WWOX: variants seen among roughly 807,000 people sequenced by gnomAD.
The protein encoded by WWOX is WW domain containing oxidoreductase.
WWOX carries 69 observed loss-of-function variants against 46.2 expected under a neutral mutation model. The ratio of observed to expected loss-of-function variants is 1.49; its 90% confidence interval spans 1.23 to 1.82. The LOEUF is 1.82. Among genes scored for constraint, WWOX ranks in the 40% most tolerant of loss-of-function variants. The probability of loss-of-function intolerance (pLI) is 0.00; values close to 1 mark genes in which losing one functional copy is unlikely to be tolerated. For synonymous variants in WWOX, 359 were observed against 202.6 expected (o/e 1.77, Z -6.56); for missense variants, 919 against 542.6 (o/e 1.69, Z -6.89).
intron 8 of WWOX, among the ~76,000 whole-genome samples, chr16:78,688,940 CCTT>C (rs2047924459): frequency 6.6e-6 from 1 of 152,174 alleles, no homozygotes; most frequent in Non-Finnish European, 1.5e-5. Flanking sequence ...TGGCACCTCT[CCTT>C]CCTGCTGCCG....
At chr16:79,066,665 TA>T (rs367832177) in intron 8 of WWOX, among the ~76,000 whole-genome samples, 5 of 152,336 alleles carry the variant, frequency 3.3e-5, no homozygotes, top group African/African-American at 1.2e-4. Context: ...GGTGCCCACT[TA>T]ATTCAATCGG....
intron 8 of WWOX, among the ~76,000 whole-genome samples, chr16:78,805,448 G>C (rs1432925048): frequency 6.7e-6 from 1 of 150,362 alleles, no homozygotes; most frequent in Non-Finnish European, 1.5e-5. Context: ...TGTATTGTTT[G>C]TATTTTTCAT....
intron 8 of WWOX, among the ~76,000 whole-genome samples, chr16:78,819,853 C>T (rs972828174): frequency 6.6e-6 from 1 of 152,196 alleles, no homozygotes; most frequent in African/African-American, 2.4e-5. Context: ...GTGAGACTTG[C>T]ACTCAGTCTT....
intron 8 of WWOX, among the ~76,000 whole-genome samples, chr16:78,861,834 A>T (rs2151192528): frequency 6.6e-6 from 1 of 152,360 alleles, no homozygotes; most frequent in African/African-American, 2.4e-5. Flanking sequence ...AAAAGAAATT[A>T]AATACACCAT....
intron 6 of WWOX, among the ~76,000 whole-genome samples, chr16:78,413,213 A>G (rs545692790): frequency 6.6e-6 from 1 of 152,200 alleles, no homozygotes; most frequent in Non-Finnish European, 1.5e-5. Context: ...CAGGGATCGG[A>G]GTCTTTAAGG....
intron 8 of WWOX, among the ~76,000 whole-genome samples, chr16:78,442,372 C>G (rs962828432): frequency 1.3e-5 from 2 of 151,980 alleles, no homozygotes; most frequent in East Asian, 1.9e-4. Flanking sequence ...TACAATAGAT[C>G]TCCAGAATGT....
At chr16:78,512,415 A>T (rs1423295346) in intron 8 of WWOX, among the ~76,000 whole-genome samples, 1 of 152,184 alleles carries the variant, frequency 6.6e-6, no homozygotes, top group Non-Finnish European at 1.5e-5. Flanking sequence ...CTGAGTTTTG[A>T]GTGTTTCTGA....
chr16:78,273,413 G>A (rs1024176864), intron 5 of WWOX, among the ~76,000 whole-genome samples: 1 of 152,170 alleles, frequency 6.6e-6, no homozygotes, highest in Admixed American at 6.5e-5. Flanking sequence ...TTCTGTGCGA[G>A]CCTGACCTCC....
At chr16:78,940,674 C>CTTT (rs61366482) in intron 8 of WWOX, among the ~76,000 whole-genome samples, 2 of 138,638 alleles carry the variant, frequency 1.4e-5, no homozygotes, top group African/African-American at 5.4e-5. Context: ...CTTAGGTTAA[C>CTTT]TTTTTTTTTT....
intron 5 of WWOX, among the ~76,000 whole-genome samples, chr16:78,178,908 G>A (rs967143139): frequency 6.6e-6 from 1 of 152,054 alleles, no homozygotes. Context: ...TTTCTCTTCG[G>A]GATGGTTTAC....
At chr16:79,059,560 G>C (rs750040910) in intron 8 of WWOX, among the ~76,000 whole-genome samples, 2 of 152,048 alleles carry the variant, frequency 1.3e-5, no homozygotes, top group Non-Finnish European at 2.9e-5. Context: ...GCGCGATCTC[G>C]GCTCACTGCA....
intron 8 of WWOX, among the ~76,000 whole-genome samples, chr16:78,719,840 A>G (rs1213513309): frequency 6.6e-6 from 1 of 152,196 alleles, no homozygotes; most frequent in Non-Finnish European, 1.5e-5. Flanking sequence ...CAAATACATG[A>G]CGGGAAAGAA....
At chr16:79,101,556 A>AT (rs1355792715) in intron 8 of WWOX, 3 of 152,080 alleles carry the variant, frequency 2.0e-5, no homozygotes, top group African/African-American at 7.2e-5. Flanking sequence ...GGTCCTGGGA[A>AT]TTTGCTTCTT....
At chr16:79,047,638 C>G (rs964426883) in intron 8 of WWOX, among the ~76,000 whole-genome samples, 4 of 143,974 alleles carry the variant, frequency 2.8e-5, no homozygotes, top group Non-Finnish European at 6.0e-5. Context: ...TTCTGGATGT[C>G]AGAACTGGGT....
chr16:78,291,251 ATCTC>A (rs1374399785), intron 5 of WWOX, among the ~76,000 whole-genome samples: 2 of 152,148 alleles, frequency 1.3e-5, no homozygotes, highest in Non-Finnish European at 2.9e-5. Flanking sequence ...TTTCATTCTG[ATCTC>A]TCTTTTGACT....
At chr16:78,925,564 T>C (rs2045479342) in intron 8 of WWOX, among the ~76,000 whole-genome samples, 1 of 152,214 alleles carries the variant, frequency 6.6e-6, no homozygotes, top group African/African-American at 2.4e-5. Flanking sequence ...GCTATTGCTG[T>C]AAAACAGAAG....
At chr16:79,087,172 C>T (rs1243928488) in intron 8 of WWOX, among the ~76,000 whole-genome samples, 2 of 152,174 alleles carry the variant, frequency 1.3e-5, no homozygotes, top group Non-Finnish European at 2.9e-5. Context: ...ATTTATGGAA[C>T]AGTCTGGGGG....
chr16:78,612,736 C>G (rs1419024747), intron 8 of WWOX, among the ~76,000 whole-genome samples: 4 of 152,270 alleles, frequency 2.6e-5, no homozygotes, highest in Admixed American at 6.5e-5. Context: ...CTCAGCCTCC[C>G]AAAGTGCTGG....
intron 8 of WWOX, among the ~76,000 whole-genome samples, chr16:79,104,909 G>A (rs547226526): frequency 5.3e-5 from 8 of 152,316 alleles, no homozygotes; most frequent in Non-Finnish European, 1.0e-4. Flanking sequence ...CATAGACTCT[G>A]CGCCTGGCTA....
Sources: gnomAD v4.1 joint callset for allele counts (sites outside exome capture counted in the v4.1 genomes callset) on GRCh38, gnomAD v4.1.1 for gene constraint, MANE v1.5 for transcripts, NCBI Gene and HGNC (gene_info 2026-07-23, HGNC 2026-07-21) for gene names.